CSDE1: variants seen among roughly 807,000 people sequenced by gnomAD.
The protein encoded by CSDE1 is cold shock domain-containing protein E1.
Under a neutral mutation model 89.3 loss-of-function variants are expected in CSDE1, and 17 were observed. That is an observed-to-expected ratio of 0.19 (90% CI 0.13 to 0.29). The LOEUF is 0.29. Among genes scored for constraint, CSDE1 ranks in the 10% least tolerant of loss-of-function variants. The pLI, the probability that CSDE1 is intolerant of heterozygous loss-of-function variation, is 1.00. For missense variants in CSDE1, 672 were observed against 984.2 expected (o/e 0.68, Z 4.24); for synonymous variants, 322 against 332.8 (o/e 0.97, Z 0.35).
intron 2 of CSDE1, among the ~76,000 whole-genome samples, chr1:114,742,481 G>C (rs1273231798): frequency 6.6e-6 from 1 of 152,020 alleles, no homozygotes; most frequent in Non-Finnish European, 1.5e-5. Context: ...ACTCAGGAGG[G>C]GGAGGCATGA....
At position 114,730,336 on chromosome 1, in the gene CSDE1, G is replaced by A; in HGVS notation, c.1278C>T (p.His426=). The part of the protein sequence containing the change: ...GTVSFHSHSD[H]RFLGTVEKEA... ...CTTTTTCTACCGTGCCCAGAAAACGGTGATCTGAATGGGAATGAAATGAAA... is the reference window on the plus strand; with the variant it reads ...CTTTTTCTACCGTGCCCAGAAAACGATGATCTGAATGGGAATGAAATGAAA... Residue 426 remains histidine, a synonymous_variant, in exon 12 of 20, where the codon CAC becomes CAT. Coordinates refer to ENST00000358528, the MANE Select transcript of CSDE1 (RefSeq NM_001007553.3). 6.2e-7 allele frequency: 1 copy of A among 1,614,148 alleles called. No homozygotes were observed. The highest frequency in any genetic ancestry group is 2.2e-5 in the East Asian group (1 of 44,878).
intron 19 of CSDE1, 121 bp from the exon 20 acceptor site, chr1:114,718,337 C>G: frequency 8.4e-7 from 1 of 1,193,820 alleles, no homozygotes; most frequent in East Asian, 2.4e-5. Context: ...TTATGCAGTA[C>G]TAATTCTTTC....
chr1:114,734,195 T>C (rs1299252029), intron 7 of CSDE1, 78 bp from the exon 8 acceptor site: 4 of 1,495,574 alleles, frequency 2.7e-6, no homozygotes, highest in African/African-American at 2.8e-5. Flanking sequence ...CCAGTAATTT[T>C]TGTAAAATTA....
chr1:114,755,863 T>C (rs951879943), intron 1 of CSDE1, among the ~76,000 whole-genome samples: 3 of 152,246 alleles, frequency 2.0e-5, no homozygotes, highest in African/African-American at 7.2e-5. Context: ...TTCCATGTTT[T>C]AACTACCTTG....
chr1:114,748,060 GT>G (rs1661112855), intron 2 of CSDE1, among the ~76,000 whole-genome samples: 1 of 152,158 alleles, frequency 6.6e-6, no homozygotes, highest in South Asian at 2.1e-4. Flanking sequence ...AACAGTGTCT[GT>G]TTATGAGACA....
intron 2 of CSDE1, chr1:114,741,507 T>A: frequency 1.3e-6 from 2 of 1,542,502 alleles, no homozygotes; most frequent in African/African-American, 2.7e-5. Context: ...TAAGCTGAGA[T>A]GACTGCTTTC....
At chr1:114,722,238 A>G (rs1355993956) in intron 16 of CSDE1, among the ~76,000 whole-genome samples, 1 of 152,222 alleles carries the variant, frequency 6.6e-6, no homozygotes, top group African/African-American at 2.4e-5. Context: ...GAGATAATCC[A>G]AAGAGATCAA....
At chr1:114,744,268 G>C (rs754482100) in intron 2 of CSDE1, among the ~76,000 whole-genome samples, 1 of 152,034 alleles carries the variant, frequency 6.6e-6, no homozygotes, top group African/African-American at 2.4e-5. Flanking sequence ...CAAATGAACC[G>C]AGTTTAATGT....
intron 2 of CSDE1, among the ~76,000 whole-genome samples, chr1:114,742,550 C>G (rs6693905): frequency 1.8e-3 from 268 of 152,184 alleles, no homozygotes; most frequent in African/African-American, 6.2e-3. Flanking sequence ...CTACTGCACT[C>G]CAGCCTGGGC....
intron 12 of CSDE1, among the ~76,000 whole-genome samples, chr1:114,728,650 A>G (rs922786564): frequency 6.6e-6 from 1 of 152,240 alleles, no homozygotes; most frequent in African/African-American, 2.4e-5. Flanking sequence ...TATTAAAAAT[A>G]AGCCCAACTG....
At chr1:114,750,386 C>T (rs1055709684) in intron 1 of CSDE1, among the ~76,000 whole-genome samples, 179 bp from the exon 2 acceptor site, 28 of 152,164 alleles carry the variant, frequency 1.8e-4, no homozygotes, top group African/African-American at 6.0e-4. Context: ...GTACTAGCAA[C>T]TACCTCCTTT....
At chr1:114,735,194 TA>T (rs1192732736) in intron 6 of CSDE1, among the ~76,000 whole-genome samples, 3 of 152,230 alleles carry the variant, frequency 2.0e-5, no homozygotes, top group Non-Finnish European at 4.4e-5. Flanking sequence ...AGCAGCGATG[TA>T]AATTCAATTT....
At chr1:114,738,734 G>A (rs943694829) in intron 3 of CSDE1, among the ~76,000 whole-genome samples, 3 of 126,860 alleles carry the variant, frequency 2.4e-5, no homozygotes, top group South Asian at 2.7e-4. Flanking sequence ...GCAGCGGCAC[G>A]ATCTCAGCTC....
intron 16 of CSDE1, among the ~76,000 whole-genome samples, chr1:114,723,268 T>C (rs577265448): frequency 6.6e-6 from 1 of 152,246 alleles, no homozygotes; most frequent in African/African-American, 2.4e-5. Context: ...TATCATGTAT[T>C]TATTTTATGC....
chr1:114,737,647 C>G (rs935310490), intron 4 of CSDE1, 84 bp from the exon 5 acceptor site: 4 of 997,312 alleles, frequency 4.0e-6, no homozygotes, highest in Non-Finnish European at 6.2e-6. Flanking sequence ...TTAATATCCT[C>G]TATACTATAT....
chr1:114,721,630 A>C (rs1659527081), intron 16 of CSDE1, among the ~76,000 whole-genome samples: 1 of 152,146 alleles, frequency 6.6e-6, no homozygotes, highest in Non-Finnish European at 1.5e-5. Flanking sequence ...TCGCTCTGCT[A>C]CCCAGGCTGG....
chr1:114,757,263 G>C (rs1190746404), intron 1 of CSDE1, among the ~76,000 whole-genome samples: 3 of 152,182 alleles, frequency 2.0e-5, no homozygotes, highest in African/African-American at 7.2e-5. Context: ...ACACTACTGT[G>C]CCAGATGTGG....
Position 114,727,060 on chromosome 1 carries a change from C to A in CSDE1, c.1387G>T (p.Asp463Tyr). The change falls in exon 13 of 20, where the codon GAC (aspartate) becomes TAC (tyrosine). Residue 463 changes from aspartate to tyrosine, a missense_variant. Physicochemically the swap from Asp to Tyr is radical, Grantham distance 160. Coordinates refer to ENST00000358528, the MANE Select transcript of CSDE1 (RefSeq NM_001007553.3). ...EAEDGIIAYD[D>Y]CGVKLTIAFQ... ...GCAATAGTCAGTTTCACCCCACAGT[C>A]ATCATAAGCAATAATGCCATCCTCA... The A allele has an allele frequency of 6.2e-7, 1 of 1,613,682 alleles. No homozygotes were observed. Among genetic ancestry groups the A allele is most frequent in the South Asian group, 1.1e-5 (1 of 91,060 alleles).
chr1:114,753,275 A>G (rs12079499), intron 1 of CSDE1, among the ~76,000 whole-genome samples: 2,416 of 151,624 alleles, frequency 0.016, 65 homozygotes, highest in African/African-American at 0.055. Flanking sequence ...ACACAAAAAA[A>G]GAGATTTCTG....
Sources: gnomAD v4.1 joint callset for allele counts (sites outside exome capture counted in the v4.1 genomes callset) on GRCh38, gnomAD v4.1.1 for gene constraint, MANE v1.5 for transcripts, NCBI Gene and HGNC (gene_info 2026-07-23, HGNC 2026-07-21) for gene names.